DPYD: variants seen among roughly 807,000 people sequenced by gnomAD.
DPYD encodes the protein dihydropyrimidine dehydrogenase [NADP(+)].
A neutral mutation model predicts 116.2 loss-of-function variants in DPYD; 109 were observed. The observed-to-expected ratio is 0.94, with a 90% confidence interval of 0.80 to 1.10. The LOEUF is 1.10. Ranked by LOEUF, DPYD falls within the 50% of genes least tolerant of loss-of-function variation. The pLI is 0.00. For synonymous variants in DPYD, 440 were observed against 432.0 expected (o/e 1.02, Z -0.23); for missense variants, 1,302 against 1,254.5 (o/e 1.04, Z -0.57).
intron 7 of DPYD, among the ~76,000 whole-genome samples, chr1:97,682,545 T>C (rs1222506039): frequency 6.6e-6 from 1 of 152,122 alleles, no homozygotes; most frequent in Non-Finnish European, 1.5e-5. Context: ...ACAACAAAAG[T>C]AAAGCTTTGC....
intron 13 of DPYD, among the ~76,000 whole-genome samples, chr1:97,461,101 C>G (rs1677004817): frequency 6.6e-6 from 1 of 151,852 alleles, no homozygotes; most frequent in African/African-American, 2.4e-5. Context: ...AAGGCTACTA[C>G]CTGGGACACT....
chr1:97,180,821 G>T (rs1381579497), intron 20 of DPYD, among the ~76,000 whole-genome samples: 1 of 152,122 alleles, frequency 6.6e-6, no homozygotes, highest in African/African-American at 2.4e-5. Flanking sequence ...TTGGCAATTT[G>T]ATGTAGTAAG....
chr1:97,912,691 C>T (rs567403279), intron 1 of DPYD, among the ~76,000 whole-genome samples: 1 of 151,980 alleles, frequency 6.6e-6, no homozygotes, highest in Non-Finnish European at 1.5e-5. Flanking sequence ...AAAGTTAACA[C>T]TTTTATTACA....
At chr1:97,133,135 A>T (rs534362847) in intron 20 of DPYD, among the ~76,000 whole-genome samples, 29 of 152,076 alleles carry the variant, frequency 1.9e-4, no homozygotes, top group Non-Finnish European at 2.5e-4. Context: ...GATATTTTTT[A>T]AAAAAATTTA....
chr1:97,827,304 A>C (rs1669290746), intron 3 of DPYD, among the ~76,000 whole-genome samples: 1 of 151,770 alleles, frequency 6.6e-6, no homozygotes, highest in South Asian at 2.1e-4. Flanking sequence ...TTATAGGCTA[A>C]ATAAATATAA....
At chr1:97,518,587 T>G (rs1240805897) in intron 12 of DPYD, among the ~76,000 whole-genome samples, 1 of 152,148 alleles carries the variant, frequency 6.6e-6, no homozygotes, top group African/African-American at 2.4e-5. Flanking sequence ...GGCCTTTGGA[T>G]GTAGATGCTT....
intron 17 of DPYD, 89 bp downstream of exon 17, chr1:97,306,088 G>A: frequency 6.3e-7 from 1 of 1,595,104 alleles, no homozygotes; most frequent in Non-Finnish European, 8.6e-7. Flanking sequence ...ATATGCACAT[G>A]TTTGTAGGAA....
rs556506622 is a variant in DPYD, at chr1:97,580,385, C to T, written c.1129-6415G>A. 1.6e-3 allele frequency among the ~76,000 whole-genome samples: 251 copies of T among 152,334 alleles called. 1 individual carries two copies. Among genetic ancestry groups the T allele is most frequent in the African/African-American group, 5.9e-3 (246 of 41,578 alleles). On this transcript the variant is annotated intron_variant, in intron 10 of 22. Coordinates refer to ENST00000370192, the MANE Select transcript of DPYD (RefSeq NM_000110.4). ...CCTAGAAAATATTATCTCATTTCAT[C>T]ACTGTTAAATTATTGGATGTACCAG...
At chr1:97,295,879 A>G (rs1036204256) in intron 18 of DPYD, 1 of 349,312 alleles carries the variant, frequency 2.9e-6, no homozygotes, top group African/African-American at 2.2e-5. Flanking sequence ...GTATACACAC[A>G]GAGAGTTACA....
intron 19 of DPYD, among the ~76,000 whole-genome samples, chr1:97,213,092 TC>T (rs777138880): frequency 1.3e-5 from 2 of 151,802 alleles, no homozygotes; most frequent in South Asian, 4.2e-4. Context: ...CTCTCTGGAG[TC>T]TCTTGAATAA....
Position 97,901,226 on chromosome 1 carries a change from G to C in DPYD, c.40-17852C>G, listed in dbSNP as rs1466337942. 2.0e-5 allele frequency among the ~76,000 whole-genome samples: 3 copies of C among 151,694 alleles called. No homozygotes were observed. In the Admixed American group the frequency reaches 2.0e-4, roughly 10 times the overall value. On this transcript the variant is annotated intron_variant, in intron 1 of 22. Transcript: ENST00000370192. ...CCACATATTTTGGCTTCAGATTATG[G>C]ACTGTTATTCACTACTCTGTACTTC... is the stretch of plus-strand genomic sequence containing the variant.
chr1:97,277,933 A>C (rs1210405865), intron 18 of DPYD, among the ~76,000 whole-genome samples: 1 of 152,114 alleles, frequency 6.6e-6, no homozygotes, highest in Non-Finnish European at 1.5e-5. Flanking sequence ...TATTCAACTT[A>C]CTTCACACCA....
At chr1:97,143,474 T>G (rs1654380239) in intron 20 of DPYD, among the ~76,000 whole-genome samples, 1 of 152,250 alleles carries the variant, frequency 6.6e-6, no homozygotes, top group East Asian at 1.9e-4. Context: ...TGTCCACAGG[T>G]GGAAAGAGCC....
chr1:97,810,301 A>AG (rs1299297615), intron 3 of DPYD, among the ~76,000 whole-genome samples: 1 of 151,032 alleles, frequency 6.6e-6, no homozygotes, highest in African/African-American at 2.4e-5. Context: ...AAAAAAAAAA[A>AG]AAAAAGAAGC....
At chr1:97,821,049 A>G (rs1426736430) in intron 3 of DPYD, among the ~76,000 whole-genome samples, 1 of 152,038 alleles carries the variant, frequency 6.6e-6, no homozygotes, top group African/African-American at 2.4e-5. Flanking sequence ...ATAGCCCTCT[A>G]CTGCCTGTGA....
chr1:97,549,420 G>C (rs1485700364), intron 12 of DPYD, 140 bp downstream of exon 12: 3 of 994,962 alleles, frequency 3.0e-6, no homozygotes, highest in Admixed American at 2.3e-5. Context: ...TTTAAAATTT[G>C]TATCCAAGTA....
intron 16 of DPYD, among the ~76,000 whole-genome samples, chr1:97,362,861 C>G (rs145868982): frequency 6.6e-6 from 1 of 152,068 alleles, no homozygotes; most frequent in Non-Finnish European, 1.5e-5. Flanking sequence ...TAGAAGAAAA[C>G]CTAGGCAATA....
intron 5 of DPYD, among the ~76,000 whole-genome samples, chr1:97,710,719 T>A (rs1204511092): frequency 6.7e-6 from 1 of 150,034 alleles, no homozygotes; most frequent in Non-Finnish European, 1.5e-5. Context: ...GACACCAGTA[T>A]GAAAAAAAAC....
intron 13 of DPYD, among the ~76,000 whole-genome samples, chr1:97,512,027 C>G (rs933671637): frequency 6.6e-6 from 1 of 151,802 alleles, no homozygotes; most frequent in Non-Finnish European, 1.5e-5. Flanking sequence ...GATCAATACT[C>G]AAAACATTCA....
Sources: allele counts gnomAD v4.1 joint callset (sites outside exome capture counted in the v4.1 genomes callset), GRCh38; gene constraint gnomAD v4.1.1; transcripts MANE v1.5; gene names NCBI Gene and HGNC (gene_info 2026-07-23, HGNC 2026-07-21).